The following EIF2AK3 variants were observed in gnomAD, a reference collection of about 807,000 sequenced individuals.
EIF2AK3 encodes eukaryotic translation initiation factor 2-alpha kinase 3.
Under a neutral mutation model 113.5 loss-of-function variants are expected in EIF2AK3, and 50 were observed. That is an observed-to-expected ratio of 0.44 (90% CI 0.35 to 0.56). The LOEUF (loss-of-function observed/expected upper bound fraction) is 0.56. Among genes scored for constraint, EIF2AK3 ranks in the 20% least tolerant of loss-of-function variants. The pLI is 0.00. For synonymous variants in EIF2AK3, 448 were observed against 495.4 expected (o/e 0.90, Z 1.27); for missense variants, 1,185 against 1,378.0 (o/e 0.86, Z 2.22).
intron 2 of EIF2AK3, among the ~76,000 whole-genome samples, chr2:88,607,342 A>G (rs1675302419): frequency 6.6e-6 from 1 of 152,250 alleles, no homozygotes; most frequent in Admixed American, 6.5e-5. Flanking sequence ...ACATCTGAAA[A>G]TTAAAAACAA....
intron 1 of EIF2AK3, among the ~76,000 whole-genome samples, chr2:88,614,114 T>C (rs770459517): frequency 1.3e-5 from 2 of 152,184 alleles, no homozygotes; most frequent in Non-Finnish European, 2.9e-5. Flanking sequence ...AGGAACACAA[T>C]GTCCCCTGGT....
At position 88,559,510 on chromosome 2, in the gene EIF2AK3, CTGTG is replaced by C. The variant is rs141821640; in HGVS notation, c.3088-535_3088-532del. Reference sequence around the variant, plus strand: ...CAATCCCCTGTGGATACCAAGATGACTGTGTGTGTGTGTGTGTGTGTGTGTGTGT... The same window carrying C: ...CAATCCCCTGTGGATACCAAGATGACTGTGTGTGTGTGTGTGTGTGTGTGT... On this transcript the variant is annotated intron_variant, in intron 15 of 16. Coordinates refer to ENST00000303236, the MANE Select transcript of EIF2AK3 (RefSeq NM_004836.7). Among the ~76,000 whole-genome samples the C allele has an allele frequency of 1.3e-3, 178 of 141,420 alleles. 1 individual carries two copies. The highest frequency in any genetic ancestry group is 1.9e-3 in the South Asian group (8 of 4,122). The allele number at this position is 141,420 out of a possible 152,430, so 92.8% of individuals were successfully genotyped here. A position where few individuals can be genotyped will look rare whatever the true frequency, so the allele number is the denominator to read the frequency against.
intron 2 of EIF2AK3, 55 bp downstream of exon 2, chr2:88,613,669 G>A: frequency 1.9e-6 from 3 of 1,601,530 alleles, no homozygotes; most frequent in Non-Finnish European, 2.6e-6. Context: ...CTTAATATCA[G>A]CAATTACTCA....
At chr2:88,615,470 A>G (rs778435726) in intron 1 of EIF2AK3, among the ~76,000 whole-genome samples, 1 of 152,166 alleles carries the variant, frequency 6.6e-6, no homozygotes, top group Non-Finnish European at 1.5e-5. Context: ...CACTTATGAT[A>G]TTAATGCCTT....
At chr2:88,624,141 G>A (rs6758749) in intron 1 of EIF2AK3, among the ~76,000 whole-genome samples, 161 of 152,102 alleles carry the variant, frequency 1.1e-3, no homozygotes, top group African/African-American at 3.8e-3. Context: ...ACAGGCACCC[G>A]CCACCATGCC....
intron 14 of EIF2AK3, among the ~76,000 whole-genome samples, chr2:88,568,179 G>C (rs968341087): frequency 2.0e-5 from 3 of 152,188 alleles, no homozygotes; most frequent in Admixed American, 6.5e-5. Flanking sequence ...CTCAAAGGCA[G>C]TTCCTATTAC....
intron 8 of EIF2AK3, 46 bp from the exon 9 acceptor site, chr2:88,586,107 A>G (rs760446663): frequency 2.1e-6 from 3 of 1,458,050 alleles, no homozygotes; most frequent in East Asian, 4.5e-5. Flanking sequence ...GTAATCAAAA[A>G]TAGGCCCGTC....
chr2:88,602,586 C>A (rs145215063), intron 2 of EIF2AK3, among the ~76,000 whole-genome samples: 1 of 152,088 alleles, frequency 6.6e-6, no homozygotes, highest in African/African-American at 2.4e-5. Flanking sequence ...CACCTAAGAA[C>A]CCCAGAGAGC....
At chr2:88,576,504 T>C in intron 12 of EIF2AK3, 50 bp downstream of exon 12, 1 of 1,610,836 alleles carries the variant, frequency 6.2e-7, no homozygotes, top group Non-Finnish European at 8.5e-7. Flanking sequence ...GACATTGTAA[T>C]CACACAAGCA....
intron 2 of EIF2AK3, among the ~76,000 whole-genome samples, chr2:88,608,949 G>A (rs1252480025): frequency 2.0e-5 from 3 of 150,728 alleles, no homozygotes; most frequent in African/African-American, 4.9e-5. Context: ...GCCCAGGCTG[G>A]TCTAGAACTC....
At chr2:88,597,494 T>C (rs1675046676) in intron 2 of EIF2AK3, among the ~76,000 whole-genome samples, 1 of 152,212 alleles carries the variant, frequency 6.6e-6, no homozygotes, top group East Asian at 1.9e-4. Context: ...CAAAGTCCTC[T>C]AAAACTGACC....
At chr2:88,572,521 G>A (rs1674339323) in intron 13 of EIF2AK3, among the ~76,000 whole-genome samples, 1 of 152,176 alleles carries the variant, frequency 6.6e-6, no homozygotes, top group African/African-American at 2.4e-5. Context: ...CTGATAGTGG[G>A]AAAAAGCAAT....
At chr2:88,616,473 C>T (rs934433492) in intron 1 of EIF2AK3, among the ~76,000 whole-genome samples, 1 of 152,184 alleles carries the variant, frequency 6.6e-6, no homozygotes, top group Non-Finnish European at 1.5e-5. Flanking sequence ...GTCGCCCAGG[C>T]TGGAGTGCAA....
chr2:88,586,158 C>T, intron 8 of EIF2AK3, 97 bp from the exon 9 acceptor site: 2 of 931,466 alleles, frequency 2.1e-6, no homozygotes, highest in East Asian at 2.5e-5. Context: ...TGACTTATCA[C>T]ATTAATTCCT....
chr2:88,595,268 C>T (rs1674991027), intron 3 of EIF2AK3, among the ~76,000 whole-genome samples: 1 of 151,104 alleles, frequency 6.6e-6, no homozygotes, highest in Non-Finnish European at 1.5e-5. Context: ...GAATTCTCTT[C>T]CTCCTGCTAT....
intron 8 of EIF2AK3, 124 bp downstream of exon 8, chr2:88,587,858 A>G: frequency 1.5e-6 from 1 of 671,710 alleles, no homozygotes; most frequent in Admixed American, 3.4e-5. Flanking sequence ...ATGCTTAGTA[A>G]TCATTCATGA....
chr2:88,596,962 C>G (rs1675036232), intron 2 of EIF2AK3, among the ~76,000 whole-genome samples: 1 of 152,084 alleles, frequency 6.6e-6, no homozygotes, highest in Non-Finnish European at 1.5e-5. Flanking sequence ...ATAATTTGAC[C>G]TACATCAATT....
intron 14 of EIF2AK3, 27 bp downstream of exon 14, chr2:88,570,847 T>A (rs1227788236): frequency 6.2e-7 from 1 of 1,613,392 alleles, no homozygotes; most frequent in Non-Finnish European, 8.5e-7. Flanking sequence ...GCTGCTGTGC[T>A]AGTAAGTAAA....
Position 88,576,662 on chromosome 2 carries a change from A to G in EIF2AK3, c.1928T>C (p.Leu643Ser). Residue 643 changes from leucine (L) to serine (S), a missense_variant, in exon 12 of 17, where the codon TTA becomes TCA. Physicochemically the swap from Leu to Ser is moderately radical, Grantham distance 145. This residue lies in a region of EIF2AK3 where 877 missense variants were observed against 1,024.2 expected (regional missense o/e 0.86). Coordinates refer to ENST00000303236, the MANE Select transcript of EIF2AK3 (RefSeq NM_004836.7). ...REKVMREVKA[L>S]AKLEHPGIVR... ...AATGCCCGGGTGTTCAAGCTTGGCT[A>G]AGGCTTTAACTTCTCGCATTACCTT... 1 of 1,614,172 alleles carries G rather than the reference A, an allele frequency of 6.2e-7. No homozygotes were observed. Among genetic ancestry groups the G allele is most frequent in the Non-Finnish European group, 8.5e-7 (1 of 1,180,022 alleles).
Sources: gnomAD v4.1 joint callset for allele counts (sites outside exome capture counted in the v4.1 genomes callset) on GRCh38, gnomAD v4.1.1 for gene constraint, gnomAD v4.1.1 regional missense constraint, MANE v1.5 for transcripts, NCBI Gene and HGNC (gene_info 2026-07-23, HGNC 2026-07-21) for gene names.